The following MCF2L variants were observed in gnomAD, a reference collection of about 807,000 sequenced individuals.
MCF2L encodes guanine nucleotide exchange factor DBS.
In MCF2L, 97 loss-of-function variants were observed where a neutral mutation model predicts 153.4. The observed-to-expected ratio is 0.63, with a 90% CI of 0.54 to 0.75. MCF2L has a LOEUF of 0.75. Among genes scored for constraint, MCF2L ranks in the 30% least tolerant of loss-of-function variants. MCF2L has a pLI of 0.00. For synonymous variants in MCF2L, 659 were observed against 632.2 expected, an observed-to-expected ratio of 1.04 and a Z score of -0.64; for missense variants, 1,347 against 1,495.2, an observed-to-expected ratio of 0.90 and a Z score of 1.64.
At position 113,046,780 on chromosome 13, in the gene MCF2L, C is replaced by T. The variant is rs983678745; in HGVS notation, c.369+1419C>T. ...CCTGACCCTGACTCAACCTGGCACA[C>T]ACCACCTATGGCATCGTTATCTGAA... On this transcript the variant is annotated intron_variant, in intron 4 of 29. Transcript: ENST00000535094. The surrounding 1 kb of genome is among the most constrained non-coding windows in gnomAD (Gnocchi z 4.4). 3.0e-5 allele frequency: 13 copies of T among 432,428 alleles called. No individual in the cohort carries two copies. The highest frequency in any genetic ancestry group is 7.2e-5 in the South Asian group (4 of 55,626). 26.8% of individuals were successfully genotyped at this position (432,428 alleles called of 1,614,324 possible).
rs1251051088 is a variant in MCF2L, at chr13:112,904,165, G to C, written c.169+1794G>C. On this transcript the variant is annotated intron_variant, in intron 2 of 29. Coordinates refer to the MCF2L transcript ENST00000375608. This position sits in a 1 kb window ranked among gnomAD's most constrained non-coding sequence, Gnocchi z 4.2. ...GGTTAGAGGTTAAGGTTAGGGTTAG[G>C]GGTTGGGACTGGGGTAGGGGTAGGT... is the stretch of plus-strand genomic sequence containing the variant. 6.6e-6 allele frequency among the ~76,000 whole-genome samples: 1 copy of C among 152,140 alleles called. No individual in the cohort carries two copies. Among genetic ancestry groups the C allele is most frequent in the Non-Finnish European group, 1.5e-5 (1 of 68,000 alleles).
chr13:113,058,816 CTG>C (rs766234662), intron 4 of MCF2L, among the ~76,000 whole-genome samples: 2 of 137,306 alleles, frequency 1.5e-5, no homozygotes, highest in South Asian at 2.4e-4. Flanking sequence ...TGAGTGGGCG[CTG>C]TGTGTTTGGG....
intron 2 of MCF2L, among the ~76,000 whole-genome samples, chr13:112,908,730 TGG>T (rs1491208299): frequency 1.8e-4 from 11 of 59,508 alleles, no homozygotes; most frequent in Non-Finnish European, 3.3e-4. Context: ...TGTTTTGTTT[TGG>T]TTTTTTTTTG....
At chr13:113,044,507 C>T (rs2086680946) in intron 3 of MCF2L, 9 of 853,802 alleles carry the variant, frequency 1.1e-5, no homozygotes, top group Middle Eastern at 3.6e-4. Context: ...TGGAAGTTAG[C>T]GATTCTAGCC....
rs376262596 is a variant in MCF2L, at chr13:113,088,423, C to T, written c.2767+18C>T. 18 of 1,613,418 alleles carry T rather than the reference C, an allele frequency of 1.1e-5. No individual in the cohort carries two copies. The highest frequency in any genetic ancestry group is 8.8e-5 in the South Asian group (8 of 91,078). On this transcript the variant is annotated intron_variant, in intron 24 of 29. Coordinates refer to ENST00000535094, the MANE Select transcript of MCF2L (RefSeq NM_001112732.3). ...TTGTAGAGGTGAGGCTGTCTTCAAG[C>T]GATCGTTTCCCGTAGCTTCCGCTCC... is the stretch of plus-strand genomic sequence containing the variant.
chr13:112,999,022 C>A (rs1370483012), intron 1 of MCF2L, among the ~76,000 whole-genome samples: 1 of 152,196 alleles, frequency 6.6e-6, no homozygotes, highest in Non-Finnish European at 1.5e-5. Context: ...GGATGGTTTC[C>A]CGTGTGTGGT....
At chr13:113,057,177 T>G (rs1342224819) in intron 4 of MCF2L, among the ~76,000 whole-genome samples, 2 of 145,704 alleles carry the variant, frequency 1.4e-5, no homozygotes, top group African/African-American at 5.2e-5. Context: ...GGGTGCTGAG[T>G]AGGTGCTGTG....
rs916589299 is a variant in MCF2L, at chr13:112,904,907, T to C, written c.169+2536T>C. Among the ~76,000 whole-genome samples the C allele has an allele frequency of 5.9e-5, 9 of 152,234 alleles. No homozygotes were observed. The highest frequency in any genetic ancestry group is 1.2e-4 in the Non-Finnish European group (8 of 68,038). On this transcript the variant is annotated intron_variant, in intron 2 of 29. Coordinates refer to the MCF2L transcript ENST00000375608. This position sits in a 1 kb window ranked among gnomAD's most constrained non-coding sequence, Gnocchi z 4.2. ...ATCAGAACAATTTCGAAATCAGTGATAGTTTTTTTTGTCATAAAATAGACA... is the reference window on the plus strand; with the variant it reads ...ATCAGAACAATTTCGAAATCAGTGACAGTTTTTTTTGTCATAAAATAGACA...
At chr13:112,906,675 A>C (rs1358331417) in intron 2 of MCF2L, among the ~76,000 whole-genome samples, 1 of 152,184 alleles carries the variant, frequency 6.6e-6, no homozygotes, top group Non-Finnish European at 1.5e-5. Context: ...GCCTGGGAAC[A>C]TGTTGTTCAG....
In MCF2L at chr13:113,088,596, G is replaced by T; in HGVS notation, c.2802G>T (p.Gln934His). 1.2e-6 allele frequency: 2 copies of T among 1,609,722 alleles called. No individual in the cohort carries two copies. Among genetic ancestry groups the T allele is most frequent in the Non-Finnish European group, 1.7e-6 (2 of 1,179,878 alleles). The change falls in exon 25 of 30, where the codon CAG becomes CAT. Residue 934 changes from glutamine to histidine, a missense_variant. Transcript: ENST00000535094. Reference protein sequence around the residue: ...ASQHRALEQSQSLPLPAPTST... With the variant: ...ASQHRALEQSHSLPLPAPTST... ...AGCACCGGGCGCTGGAGCAGTCACA[G>T]AGCCTGCCCCTGCCGGCCCCGACCA...
At chr13:112,934,074 A>T (rs558367998) in intron 2 of MCF2L, among the ~76,000 whole-genome samples, 1 of 152,250 alleles carries the variant, frequency 6.6e-6, no homozygotes, top group Non-Finnish European at 1.5e-5. Flanking sequence ...CTTTAAAGGT[A>T]TAAGGAAACC....
chr13:113,079,833 G>A (rs1318826093), intron 15 of MCF2L, among the ~76,000 whole-genome samples: 1 of 1,136 alleles, frequency 8.8e-4, no homozygotes, highest in African/African-American at 1.8e-3. Context: ...GAGGGTCCAG[G>A]CAGAGGAGAG....
chr13:113,014,774 C>G lies in MCF2L; in HGVS notation c.91C>G (p.His31Asp). The part of the protein sequence containing the change: ...AVSKHTDEIM[H>D]QDIVPLCAAD... ...CTCTTTCCGTGCAGATGAAATCATG[C>G]ACCAGGACATCGTCCCGCTCTGTGC... Residue 31 changes from histidine to aspartate, a missense_variant, in exon 2 of 30, where the codon CAC becomes GAC. Physicochemically the swap from His to Asp is moderately conservative, Grantham distance 81 (BLOSUM62 -1). This residue lies in a region of MCF2L where 820 missense variants were observed against 921.2 expected (regional missense o/e 0.89). Coordinates refer to ENST00000535094, the MANE Select transcript of MCF2L (RefSeq NM_001112732.3). 6.2e-7 allele frequency: 1 copy of G among 1,613,926 alleles called. No individual in the cohort carries two copies. The highest frequency in any genetic ancestry group is 8.5e-7 in the Non-Finnish European group (1 of 1,179,926).
At chr13:113,082,048 G>A (rs9577208) in intron 16 of MCF2L, among the ~76,000 whole-genome samples, 9,756 of 151,882 alleles carry the variant, frequency 0.064, 435 homozygotes, top group East Asian at 0.23. Context: ...ACAGGTGGTG[G>A]TCACCCAAAT....
intron 2 of MCF2L, among the ~76,000 whole-genome samples, chr13:112,947,918 G>A (rs2081653881): frequency 2.0e-5 from 3 of 152,232 alleles, no homozygotes; most frequent in Admixed American, 2.0e-4. Flanking sequence ...AGTCTGGGTG[G>A]AGGAGAAAGC....
intron 1 of MCF2L, chr13:113,001,660 G>C (rs1288816814): frequency 2.3e-6 from 3 of 1,312,830 alleles, no homozygotes; most frequent in Non-Finnish European, 1.9e-6. Flanking sequence ...CGCCAGGATC[G>C]CAACAGTTAA....
At chr13:113,001,592 G>T (rs1005237786) in intron 1 of MCF2L, 2 of 869,644 alleles carry the variant, frequency 2.3e-6, no homozygotes, top group Non-Finnish European at 1.5e-6. Flanking sequence ...CCCCTGCAGG[G>T]AGGGTCTAGA....
At chr13:112,931,459 A>G (rs1192014140) in intron 2 of MCF2L, among the ~76,000 whole-genome samples, 4 of 152,182 alleles carry the variant, frequency 2.6e-5, no homozygotes, top group Non-Finnish European at 5.9e-5. Context: ...AGGAGAGGCT[A>G]CACCCGTGTT....
rs887613324 is a variant in MCF2L at position 113,046,668 on chromosome 13, G to A, written c.369+1307G>A. 20 of 532,558 alleles carry A rather than the reference G, an allele frequency of 3.8e-5. No individual in the cohort carries two copies. Among genetic ancestry groups the A allele is most frequent in the East Asian group, 2.7e-4 (5 of 18,336 alleles). The allele number at this position is 532,558 out of a possible 1,614,324, so 33.0% of individuals were successfully genotyped here. ...TTTGGTGCAAGCCTGTCCCTGAGCC[G>A]CTGGTTCTCATCGAAGTCTTTAGGA... On this transcript the variant is annotated intron_variant, in intron 4 of 29. Transcript: ENST00000535094. The surrounding 1 kb of genome is among the most constrained non-coding windows in gnomAD (Gnocchi z 4.4).
Sources: gnomAD v4.1 joint callset for allele counts (sites outside exome capture counted in the v4.1 genomes callset) on GRCh38, gnomAD v4.1.1 for gene constraint, gnomAD v4.1.1 regional missense constraint, Gnocchi (gnomAD v3.1) non-coding constraint, MANE v1.5 for transcripts, NCBI Gene and HGNC (gene_info 2026-07-23, HGNC 2026-07-21) for gene names.